The following TMPRSS11F variants were observed in gnomAD, a reference collection of about 807,000 sequenced individuals.
The protein encoded by TMPRSS11F is transmembrane serine protease 11F, also known as transmembrane protease serine 11F.
TMPRSS11F carries 47 observed loss-of-function variants against 60.2 expected under a neutral mutation model. That is an observed-to-expected ratio of 0.78 (90% confidence interval 0.62 to 1.00). The LOEUF (loss-of-function observed/expected upper bound fraction) is 1.00, where lower values mean the gene tolerates loss of function less well. TMPRSS11F is among the 50% of genes least tolerant of loss of function. TMPRSS11F has a pLI of 0.00. For missense variants in TMPRSS11F, 519 were observed against 522.9 expected, an observed-to-expected ratio of 0.99 and a Z score of 0.07; for synonymous variants, 166 against 167.3, an observed-to-expected ratio of 0.99 and a Z score of 0.06.
chr4:68,120,438 G>C (rs1355309911), intron 1 of TMPRSS11F, among the ~76,000 whole-genome samples: 1 of 148,148 alleles, frequency 6.8e-6, no homozygotes, highest in Non-Finnish European at 1.5e-5. Flanking sequence ...GCCCAGGCTG[G>C]AGTGCAGTGG....
chr4:68,129,706 T>C, intron 1 of TMPRSS11F, 104 bp downstream of exon 1: 1 of 992,514 alleles, frequency 1.0e-6, no homozygotes, highest in South Asian at 1.7e-5. Context: ...AAAACTCTAA[T>C]GTTTAAATCA....
At position 68,059,237 on chromosome 4, in the gene TMPRSS11F, T is replaced by C. The variant is rs189970217; in HGVS notation, c.1158+89A>G. ...GTTCTCGGTGTAAGAGATGCCATTTTTTTTTCTCCTAGGTAAAATATATGC... is the reference window on the plus strand; with the variant it reads ...GTTCTCGGTGTAAGAGATGCCATTTCTTTTTCTCCTAGGTAAAATATATGC... On this transcript the variant is annotated intron_variant, in intron 9 of 9. Transcript: ENST00000356291. 6.5e-6 allele frequency: 9 copies of C among 1,390,168 alleles called. No homozygotes were observed. The African/African-American group carries it at 1.1e-4, about 18-fold the overall frequency. The allele number at this position is 1,390,168 out of a possible 1,614,324, so 86.1% of individuals were successfully genotyped here.
In TMPRSS11F at chr4:68,053,859, C is replaced by T; in HGVS notation, c.*50G>A. ...ATGAATTTAAACAATACAAAATACG[C>T]AGGAGTATCAGCTCTGTGTGCCATG... On this transcript the variant is annotated 3_prime_UTR_variant, in exon 10 of 10. Transcript: ENST00000356291. The T allele has an allele frequency of 6.6e-7, 1 of 1,526,370 alleles. No homozygotes were observed. The highest frequency in any genetic ancestry group is 9.0e-7 in the Non-Finnish European group (1 of 1,116,058). The allele number at this position is 1,526,370 out of a possible 1,614,324, so 94.6% of individuals were successfully genotyped here. A position where few individuals can be genotyped will look rare whatever the true frequency, so the allele number is the denominator to read the frequency against.
Position 68,098,902 on chromosome 4 carries a change from G to C in TMPRSS11F, c.148C>G (p.His50Asp), listed in dbSNP as rs769196066. ...IIGIAIGIVT[H>D]FVVEDDKSFY... Reference sequence around the variant, plus strand: ...GGATACTTACCCTCAACAACAAAATGAGTAACAATACCAATTGCAATTCCT... The same window carrying C: ...GGATACTTACCCTCAACAACAAAATCAGTAACAATACCAATTGCAATTCCT... The change falls in exon 2 of 10, where the codon CAT becomes GAT. Residue 50 changes from histidine to aspartate, a missense_variant. Coordinates refer to ENST00000356291, the MANE Select transcript of TMPRSS11F (RefSeq NM_207407.2). The C allele has an allele frequency of 6.2e-7, 1 of 1,611,202 alleles. No homozygotes were observed. Among genetic ancestry groups the C allele is most frequent in the African/African-American group, 1.3e-5 (1 of 74,792 alleles).
chr4:68,114,993 A>T (rs1165057852), intron 1 of TMPRSS11F, among the ~76,000 whole-genome samples: 2 of 27,724 alleles, frequency 7.2e-5, no homozygotes, highest in East Asian at 1.7e-3. Flanking sequence ...CATTATTTAA[A>T]AAAAAAAAAA....
intron 4 of TMPRSS11F, 105 bp downstream of exon 4, chr4:68,073,837 C>G (rs1172794618): frequency 1.5e-6 from 1 of 655,132 alleles, no homozygotes; most frequent in Admixed American, 3.7e-5. Context: ...TTTATGAAAT[C>G]TCTGTGTTGC....
chr4:68,129,317 T>A (rs1179874464), intron 1 of TMPRSS11F, among the ~76,000 whole-genome samples: 1 of 152,128 alleles, frequency 6.6e-6, no homozygotes, highest in Non-Finnish European at 1.5e-5. Context: ...TTAATTTTAA[T>A]CATTTCACTC....
chr4:68,070,782 G>T (rs901250176), intron 5 of TMPRSS11F, among the ~76,000 whole-genome samples: 18 of 152,134 alleles, frequency 1.2e-4, no homozygotes, highest in Non-Finnish European at 1.3e-4. Flanking sequence ...TGAGAACATG[G>T]GGAATTACAG....
chr4:68,123,793 C>T (rs1247054526), intron 1 of TMPRSS11F, among the ~76,000 whole-genome samples: 1 of 152,106 alleles, frequency 6.6e-6, no homozygotes, highest in Non-Finnish European at 1.5e-5. Context: ...GGTGTCTATG[C>T]TAATATGGCA....
chr4:68,056,063 C>T (rs1329282911), intron 9 of TMPRSS11F, among the ~76,000 whole-genome samples: 1 of 152,074 alleles, frequency 6.6e-6, no homozygotes, highest in African/African-American at 2.4e-5. Flanking sequence ...CATATATTGG[C>T]TTTTATTATT....
chr4:68,078,809 T>C (rs1433360171), intron 3 of TMPRSS11F, among the ~76,000 whole-genome samples: 1 of 152,072 alleles, frequency 6.6e-6, no homozygotes, highest in African/African-American at 2.4e-5. Flanking sequence ...ACACTTACAA[T>C]TTCACTAAGC....
At chr4:68,112,585 ATAC>A (rs1036104387) in intron 1 of TMPRSS11F, among the ~76,000 whole-genome samples, 39 of 152,288 alleles carry the variant, frequency 2.6e-4, no homozygotes, top group African/African-American at 9.4e-4. Context: ...CCTCTAAAAA[ATAC>A]TACTAATAAT....
intron 1 of TMPRSS11F, among the ~76,000 whole-genome samples, chr4:68,109,115 T>C (rs1212388850): frequency 1.3e-5 from 2 of 152,152 alleles, no homozygotes; most frequent in African/African-American, 4.8e-5. Context: ...CTAACTATAT[T>C]TTCTTAGGAA....
intron 1 of TMPRSS11F, among the ~76,000 whole-genome samples, chr4:68,103,855 A>G (rs1388293763): frequency 6.6e-6 from 1 of 152,044 alleles, no homozygotes; most frequent in African/African-American, 2.4e-5. Context: ...TGGCATACAG[A>G]TCTTTCACTT....
At chr4:68,056,300 AG>A (rs1230543884) in intron 9 of TMPRSS11F, among the ~76,000 whole-genome samples, 7 of 152,174 alleles carry the variant, frequency 4.6e-5, no homozygotes, top group African/African-American at 1.7e-4. Flanking sequence ...AAAAGCTGTT[AG>A]AAGAGATAAA....
chr4:68,087,702 TTTATTTA>T (rs1723842407), intron 3 of TMPRSS11F, among the ~76,000 whole-genome samples: 2 of 11,346 alleles, frequency 1.8e-4, no homozygotes, highest in Non-Finnish European at 6.9e-4. Flanking sequence ...TAGCATTTTA[TTTATTTA>T]TTTATTTATT....
intron 7 of TMPRSS11F, among the ~76,000 whole-genome samples, chr4:68,066,620 A>G (rs936329888): frequency 1.3e-5 from 2 of 152,192 alleles, no homozygotes; most frequent in African/African-American, 4.8e-5. Context: ...AAAATACATT[A>G]TTTCTGCAGA....
chr4:68,126,890 G>A (rs1196961643), intron 1 of TMPRSS11F, among the ~76,000 whole-genome samples: 1 of 152,152 alleles, frequency 6.6e-6, no homozygotes, highest in Non-Finnish European at 1.5e-5. Flanking sequence ...GGAAGACCAT[G>A]GGGTCTCACT....
chr4:68,063,001 A>G (rs1287184019), intron 8 of TMPRSS11F: 4 of 686,226 alleles, frequency 5.8e-6, no homozygotes, highest in South Asian at 5.4e-5. Context: ...ATGTACTTTC[A>G]CTACAAGACA....
Sources: allele counts gnomAD v4.1 joint callset (sites outside exome capture counted in the v4.1 genomes callset), GRCh38; gene constraint gnomAD v4.1.1; transcripts MANE v1.5; gene names NCBI Gene and HGNC (gene_info 2026-07-23, HGNC 2026-07-21).